Variants in DERPC observed in about 807,000 individuals in gnomAD.
DERPC encodes decreased expression in renal and prostate cancer protein.
A neutral mutation model predicts 7.2 loss-of-function variants in DERPC; 1 was observed. The observed-to-expected ratio is 0.14, with a 90% CI of 0.05 to 0.66. DERPC has a LOEUF of 0.66. DERPC is among the 30% of genes least tolerant of loss of function. DERPC has a pLI of 0.84. For missense variants in DERPC, 502 were observed against 299.4 expected (o/e 1.68, Z -4.99); for synonymous variants, 185 against 117.6 (o/e 1.57, Z -3.71).
At chr16:69,122,539 ATTT>A (rs764144816) in intron 1 of DERPC, among the ~76,000 whole-genome samples, 8 of 130,722 alleles carry the variant, frequency 6.1e-5, no homozygotes, top group African/African-American at 8.5e-5. Context: ...TACCCAGCTA[ATTT>A]TTTTTTTTTT....
In DERPC at chr16:69,120,763, G is replaced by C. The variant is rs1332689346; in HGVS notation, c.-221-114C>G. On this transcript the variant is annotated intron_variant, in intron 2 of 2. Transcript: ENST00000519520. This position sits in a 1 kb window ranked among gnomAD's most constrained non-coding sequence, Gnocchi z 4.0. ...GCTGGCACCTCCAATCCCTGGTCTG[G>C]CTCTGCCATTGTTGAGCAGCCACAC... is the stretch of plus-strand genomic sequence containing the variant. 4.3e-6 allele frequency: 4 copies of C among 935,764 alleles called. No individual in the cohort carries two copies. The African/African-American group carries it at 6.5e-5, about 15-fold the overall frequency. 58.0% of individuals were successfully genotyped at this position (935,764 alleles called of 1,614,324 possible). A position where few individuals can be genotyped will look rare whatever the true frequency, so the allele number is the denominator to read the frequency against.
In DERPC at chr16:69,119,657, C is replaced by A; in HGVS notation, c.772G>T (p.Gly258Cys). 1.5e-6 allele frequency: 1 copy of A among 676,116 alleles called. No individual in the cohort carries two copies. Among genetic ancestry groups the A allele is most frequent in the Admixed American group, 2.2e-5 (1 of 46,106 alleles). The allele number at this position is 676,116 out of a possible 1,614,324, so 41.9% of individuals were successfully genotyped here. ...NLDARAGGLL[G>C]TGSGLNLRMA... ...CTTAAGTTAAGACCAGATCCTGTGC[C>A]CAAGAGGCCACCTGCTCTGGCATCT... The change falls in exon 3 of 3, where the codon GGC (glycine) becomes TGC (cysteine). Residue 258 changes from glycine (G) to cysteine (C), a missense_variant. By Grantham distance (159) the Gly-to-Cys change is radical (BLOSUM62 -3). Coordinates refer to ENST00000519520, the MANE Select transcript of DERPC (RefSeq NM_001002847.4).
At chr16:69,123,071 C>T (rs556576855) in intron 1 of DERPC, among the ~76,000 whole-genome samples, 1 of 152,136 alleles carries the variant, frequency 6.6e-6, no homozygotes, top group East Asian at 1.9e-4. Context: ...TTACTTTTTT[C>T]TTCTTTTGAG....
At chr16:69,126,497 A>T (rs902291300) in intron 1 of DERPC, among the ~76,000 whole-genome samples, 1 of 152,198 alleles carries the variant, frequency 6.6e-6, no homozygotes, top group Non-Finnish European at 1.5e-5. Flanking sequence ...CCAGACATCT[A>T]GCAATGCTCC....
Position 69,118,387 on chromosome 16 carries a change from C to T in DERPC, c.*467G>A. 1 of 1,612,646 alleles carries T rather than the reference C, an allele frequency of 6.2e-7. No homozygotes were observed. ...GGAAAGGTATGGCAGTAGAGGATGA[C>T]CAGGTCCAAGCTGCCCAGGTCAGAG... On this transcript the variant is annotated 3_prime_UTR_variant, in exon 3 of 3. Coordinates refer to ENST00000519520, the MANE Select transcript of DERPC (RefSeq NM_001002847.4).
chr16:69,123,810 G>A (rs879312275), intron 1 of DERPC, among the ~76,000 whole-genome samples: 35 of 151,872 alleles, frequency 2.3e-4, no homozygotes, highest in Admixed American at 6.6e-5. Flanking sequence ...GACTTTGGCC[G>A]GGAGCAGTAG....
In DERPC at chr16:69,118,688, C is replaced by T. The variant is rs1370800818; in HGVS notation, c.*166G>A. On this transcript the variant is annotated 3_prime_UTR_variant, in exon 3 of 3. Transcript: ENST00000519520. The stretch of plus-strand genomic sequence containing the variant: ...AGTTCACATGCCACAAATAACATCT[C>T]ACCTTCAGTCAAGAAAAACGCAAAG... 11 of 662,618 alleles carry T rather than the reference C, an allele frequency of 1.7e-5. No individual in the cohort carries two copies. Among genetic ancestry groups the T allele is most frequent in the Admixed American group, 6.9e-5 (3 of 43,522 alleles). The allele number at this position is 662,618 out of a possible 1,614,324, so 41.0% of individuals were successfully genotyped here. A position where few individuals can be genotyped will look rare whatever the true frequency, so the allele number is the denominator to read the frequency against.
At chr16:69,129,406 G>T (rs1962326717) in intron 1 of DERPC, among the ~76,000 whole-genome samples, 1 of 137,470 alleles carries the variant, frequency 7.3e-6, no homozygotes, top group Non-Finnish European at 1.5e-5. Flanking sequence ...CTCCAGCCTA[G>T]GCAACAGAGC....
rs1961624929 is a variant in DERPC, at chr16:69,121,163, C to G, written c.-222+273G>C. ...AGCACCCATTCTGCCAGGCCTCCAG[C>G]CCTCGCACTGCAAGCAAAGGGCTGG... On this transcript the variant is annotated intron_variant, in intron 2 of 2. Coordinates refer to ENST00000519520, the MANE Select transcript of DERPC (RefSeq NM_001002847.4). 1.9e-6 allele frequency: 3 copies of G among 1,612,324 alleles called. No homozygotes were observed. In the East Asian group the frequency reaches 6.7e-5, roughly 36 times the overall value.
Position 69,132,468 on chromosome 16 carries a change from C to A in DERPC, c.-280+16G>T, listed in dbSNP as rs761417590. 4.6e-6 allele frequency: 1 copy of A among 216,320 alleles called. No individual in the cohort carries two copies. Among genetic ancestry groups the A allele is most frequent in the South Asian group, 6.0e-5 (1 of 16,702 alleles). 13.4% of individuals were successfully genotyped at this position (216,320 alleles called of 1,614,324 possible). On this transcript the variant is annotated intron_variant, in intron 1 of 2. Transcript: ENST00000519520. ...CGCTCCCCGCAGCCTCCCGTGCCCC[C>A]CGCCCGCGGCCTGACCTGCAATGGC...
intron 1 of DERPC, chr16:69,132,180 C>CCCTT (rs1487226647): frequency 6.5e-6 from 1 of 153,636 alleles, no homozygotes; most frequent in Non-Finnish European, 1.4e-5. Flanking sequence ...CCCGCTCGCT[C>CCCTT]CCTTCCTTCC....
chr16:69,131,215 C>A (rs1174717539), intron 1 of DERPC: 1 of 152,130 alleles, frequency 6.6e-6, no homozygotes. Context: ...GAAGTGTGTT[C>A]AAAAACGTGT....
chr16:69,132,245 C>G (rs1486705654), intron 1 of DERPC: 7 of 150,060 alleles, frequency 4.7e-5, no homozygotes, highest in Admixed American at 4.7e-4. Flanking sequence ...GCCCTCCCAC[C>G]CCGGAGGCCC....
intron 1 of DERPC, among the ~76,000 whole-genome samples, chr16:69,124,348 C>T (rs1366227789): frequency 6.6e-6 from 1 of 152,186 alleles, no homozygotes; most frequent in Non-Finnish European, 1.5e-5. Flanking sequence ...ATGTTTACCA[C>T]CTGTAGTATG....
chr16:69,128,039 C>G (rs549422897), intron 1 of DERPC, among the ~76,000 whole-genome samples: 1 of 152,128 alleles, frequency 6.6e-6, no homozygotes, highest in African/African-American at 2.4e-5. Flanking sequence ...CTCAGCCTCC[C>G]GAGTAACTGG....
chr16:69,120,403 C>T lies in DERPC; in HGVS notation c.26G>A (p.Arg9Lys), dbSNP rs751912452. MKEPRIFP[R>K]ERPTPWTRAP... ...ACGAGTCCAAGGAGTTGGCCGCTCT[C>T]TAGGGAAAATCCGAGGTTCTTTCAT... The change falls in exon 3 of 3, where the codon AGA becomes AAA. Residue 9 changes from arginine (R) to lysine (K), a missense_variant. Physicochemically the swap from Arg to Lys is conservative, Grantham distance 26 (BLOSUM62 2). Coordinates refer to ENST00000519520, the MANE Select transcript of DERPC (RefSeq NM_001002847.4). This position sits in a 1 kb window ranked among gnomAD's most constrained non-coding sequence, Gnocchi z 4.0. 3 of 1,613,328 alleles carry T rather than the reference C, an allele frequency of 1.9e-6. No homozygotes were observed. Among genetic ancestry groups the T allele is most frequent in the Admixed American group, 1.7e-5 (1 of 60,026 alleles).
Position 69,120,355 on chromosome 16 carries a change from C to T in DERPC, c.74G>A (p.Arg25Gln), listed in dbSNP as rs576368070. Residue 25 changes from arginine to glutamine, a missense_variant, in exon 3 of 3, where the codon CGG (arginine) becomes CAG (glutamine). Coordinates refer to ENST00000519520, the MANE Select transcript of DERPC (RefSeq NM_001002847.4). The surrounding 1 kb of genome is among the most constrained non-coding windows in gnomAD (Gnocchi z 4.0). ...WTRAPLPPRGRLDGSLGPQGG... is the reference protein window; with the variant it reads ...WTRAPLPPRGQLDGSLGPQGG... The stretch of plus-strand genomic sequence containing the variant: ...CTGTGGTCCCAGGGAACCGTCGAGC[C>T]GTCCTCGAGGTGGCAGCGGAGCACG... 8.0e-6 allele frequency: 12 copies of T among 1,493,196 alleles called. No homozygotes were observed. The highest frequency in any genetic ancestry group is 2.8e-5 in the African/African-American group (2 of 72,588). 92.5% of individuals were successfully genotyped at this position (1,493,196 alleles called of 1,614,324 possible). A position where few individuals can be genotyped will look rare whatever the true frequency, so the allele number is the denominator to read the frequency against.
At position 69,118,279 on chromosome 16, in the gene DERPC, C is replaced by T. The variant is rs1961314937; in HGVS notation, c.*575G>A. The stretch of plus-strand genomic sequence containing the variant: ...TCCCAGGAGAAGGGAGCTGCAGGCC[C>T]AGTCAGTCAAGCAGAAACTGCATTC... On this transcript the variant is annotated 3_prime_UTR_variant, in exon 3 of 3. Coordinates refer to ENST00000519520, the MANE Select transcript of DERPC (RefSeq NM_001002847.4). 2 of 919,190 alleles carry T rather than the reference C, an allele frequency of 2.2e-6. No homozygotes were observed. The highest frequency in any genetic ancestry group is 3.6e-6 in the Non-Finnish European group (2 of 554,690). The allele number at this position is 919,190 out of a possible 1,614,324, so 56.9% of individuals were successfully genotyped here. A position where few individuals can be genotyped will look rare whatever the true frequency, so the allele number is the denominator to read the frequency against.
rs181178066 is a variant in DERPC at position 69,122,743 on chromosome 16, T to C, written c.-279-1250A>G. 6.6e-5 allele frequency among the ~76,000 whole-genome samples: 10 copies of C among 152,246 alleles called. No homozygotes were observed. In the East Asian group the frequency reaches 9.7e-4, roughly 15 times the overall value. On this transcript the variant is annotated intron_variant, in intron 1 of 2. Coordinates refer to ENST00000519520, the MANE Select transcript of DERPC (RefSeq NM_001002847.4). ...TTTTAGTAGAGACGAGGTTTCTTCATGTTGGCCAGGCTGGTCTCGAACTCC... is the reference window on the plus strand; with the variant it reads ...TTTTAGTAGAGACGAGGTTTCTTCACGTTGGCCAGGCTGGTCTCGAACTCC...
Sources: gnomAD v4.1 joint callset for allele counts (sites outside exome capture counted in the v4.1 genomes callset) on GRCh38, gnomAD v4.1.1 for gene constraint, Gnocchi (gnomAD v3.1) non-coding constraint, MANE v1.5 for transcripts, NCBI Gene and HGNC (gene_info 2026-07-23, HGNC 2026-07-21) for gene names.